The following RPTOR variants were observed in gnomAD, a reference collection of about 807,000 sequenced individuals.
RPTOR encodes regulatory-associated protein of mTOR.
In RPTOR, 21 loss-of-function variants were observed where a neutral mutation model predicts 169.9. That is an observed-to-expected ratio of 0.12 (90% CI 0.09 to 0.18). The LOEUF (loss-of-function observed/expected upper bound fraction) is 0.18. Among genes scored for constraint, RPTOR ranks in the 10% least tolerant of loss-of-function variants. The pLI, the probability that RPTOR is intolerant of heterozygous loss-of-function variation, is 1.00. For missense variants in RPTOR, 1,133 were observed against 1,855.9 expected, an observed-to-expected ratio of 0.61 and a Z score of 7.16; for synonymous variants, 732 against 753.2, an observed-to-expected ratio of 0.97 and a Z score of 0.46.
chr17:80,876,924 C>T (rs1194368692), intron 13 of RPTOR, among the ~76,000 whole-genome samples: 3 of 115,636 alleles, frequency 2.6e-5, no homozygotes, highest in Non-Finnish European at 5.2e-5. Context: ...CCTGCCGGGT[C>T]TTCCCACCGA....
At chr17:80,765,279 T>G (rs10871488) in intron 6 of RPTOR, among the ~76,000 whole-genome samples, 1 of 152,034 alleles carries the variant, frequency 6.6e-6, no homozygotes, top group East Asian at 1.9e-4. Flanking sequence ...TCAGTTCTTC[T>G]TTTCAGAGAG....
chr17:80,829,503 A>G (rs976284853), intron 9 of RPTOR, among the ~76,000 whole-genome samples: 4 of 152,192 alleles, frequency 2.6e-5, no homozygotes, highest in African/African-American at 7.2e-5. Context: ...TGCGAGCCCA[A>G]CCAGACACAT....
intron 2 of RPTOR, 69 bp from the exon 3 acceptor site, chr17:80,643,659 T>C (rs2065570501): frequency 8.6e-7 from 1 of 1,166,460 alleles, no homozygotes; most frequent in South Asian, 1.4e-5. Context: ...GGAGAAACTG[T>C]GGAAGAGAGG....
chr17:80,773,380 C>T (rs1467118672), intron 6 of RPTOR, among the ~76,000 whole-genome samples: 6 of 152,194 alleles, frequency 3.9e-5, no homozygotes, highest in Non-Finnish European at 7.3e-5. Flanking sequence ...TTAATATCCA[C>T]GTTGGTTGTT....
At chr17:80,898,901 G>A (rs1235983770) in intron 20 of RPTOR, among the ~76,000 whole-genome samples, 2 of 151,968 alleles carry the variant, frequency 1.3e-5, no homozygotes, top group African/African-American at 2.4e-5. Flanking sequence ...CCAAAGACCC[G>A]AAACAGACGC....
At chr17:80,710,727 G>T (rs1460171373) in intron 4 of RPTOR, among the ~76,000 whole-genome samples, 1 of 152,062 alleles carries the variant, frequency 6.6e-6, no homozygotes, top group Non-Finnish European at 1.5e-5. Context: ...TATGATGAAT[G>T]ATCTGTTTCA....
intron 13 of RPTOR, among the ~76,000 whole-genome samples, chr17:80,877,356 T>G (rs1241848031): frequency 6.6e-6 from 1 of 152,200 alleles, no homozygotes; most frequent in Non-Finnish European, 1.5e-5. Flanking sequence ...TGCCGAGCGC[T>G]GAAAATGAAG....
intron 19 of RPTOR, among the ~76,000 whole-genome samples, chr17:80,893,362 G>C (rs1399698569): frequency 6.8e-6 from 1 of 146,926 alleles, no homozygotes; most frequent in Non-Finnish European, 1.5e-5. Flanking sequence ...TGTGTGTGCT[G>C]GGTGTGTGTG....
rs1415438380 is a variant in RPTOR at position 80,960,660 on chromosome 17, G to C, written c.3605+455G>C. ...AGCAGCCCTGGGCACTGCCTCCACT[G>C]AGCACCCCTGTGGGCAGGTGCTGTC... On this transcript the variant is annotated intron_variant, in intron 30 of 33. Transcript: ENST00000306801. The surrounding 1 kb of genome is among the most constrained non-coding windows in gnomAD (Gnocchi z 4.8). 9.4e-6 allele frequency: 2 copies of C among 212,126 alleles called. No individual in the cohort carries two copies. Among genetic ancestry groups the C allele is most frequent in the Non-Finnish European group, 2.0e-5 (2 of 102,486 alleles). 13.1% of individuals were successfully genotyped at this position (212,126 alleles called of 1,614,324 possible). A position where few individuals can be genotyped will look rare whatever the true frequency, so the allele number is the denominator to read the frequency against.
chr17:80,665,767 G>A (rs1246974376), intron 3 of RPTOR, among the ~76,000 whole-genome samples: 1 of 151,926 alleles, frequency 6.6e-6, no homozygotes, highest in Non-Finnish European at 1.5e-5. Context: ...GGATGGTCTC[G>A]ATCTCCTGAC....
intron 13 of RPTOR, among the ~76,000 whole-genome samples, chr17:80,863,746 G>A (rs1419467282): frequency 6.6e-6 from 1 of 152,060 alleles, no homozygotes; most frequent in Admixed American, 6.6e-5. Context: ...GTGAAACCTC[G>A]ACTCCACATG....
Position 80,947,223 on chromosome 17 carries a change from T to C in RPTOR, c.3141-4T>C. 6.3e-7 allele frequency: 1 copy of C among 1,586,698 alleles called. No homozygotes were observed. Among genetic ancestry groups the C allele is most frequent in the Non-Finnish European group, 8.5e-7 (1 of 1,170,092 alleles). ...CTTTTTTATTCCTCTCTTCTTCCCTTAAGCTTTTGGGACTGGGAGAAAGGG... is the reference window on the plus strand; with the variant it reads ...CTTTTTTATTCCTCTCTTCTTCCCTCAAGCTTTTGGGACTGGGAGAAAGGG... On this transcript the variant is annotated splice_polypyrimidine_tract_variant and splice_region_variant and intron_variant, in intron 26 of 33. Coordinates refer to ENST00000306801, the MANE Select transcript of RPTOR (RefSeq NM_020761.3). The surrounding 1 kb of genome is among the most constrained non-coding windows in gnomAD (Gnocchi z 4.4).
intron 11 of RPTOR, among the ~76,000 whole-genome samples, chr17:80,847,400 G>C (rs2067744017): frequency 6.6e-6 from 1 of 152,276 alleles, no homozygotes; most frequent in Non-Finnish European, 1.5e-5. Flanking sequence ...TTTTGTTTCG[G>C]TGAATGTGTG....
intron 13 of RPTOR, among the ~76,000 whole-genome samples, chr17:80,863,385 C>T (rs539971029): frequency 1.3e-3 from 204 of 152,166 alleles, no homozygotes; most frequent in Non-Finnish European, 2.2e-3. Context: ...AAATATGACC[C>T]GTAATGAAGA....
Position 80,561,263 on chromosome 17 carries a change from G to GTGTATATATA in RPTOR, c.162+15473_162+15474insGTATATATAT, listed in dbSNP as rs1297941814. On this transcript the variant is annotated intron_variant, in intron 1 of 33. Transcript: ENST00000306801. ...TTTATATATATATGTATATATATAT[G>GTGTATATATA]TATATATATATATATATATATATAT... 8.4e-3 allele frequency among the ~76,000 whole-genome samples: 165 copies of GTGTATATATA among 19,636 alleles called. 1 individual carries two copies. The highest frequency in any genetic ancestry group is 0.014 in the African/African-American group (150 of 10,962). The allele number at this position is 19,636 out of a possible 152,430, so 12.9% of individuals were successfully genotyped here.
intron 27 of RPTOR, among the ~76,000 whole-genome samples, chr17:80,948,946 G>T (rs1273031337): frequency 6.6e-6 from 1 of 152,170 alleles, no homozygotes; most frequent in Non-Finnish European, 1.5e-5. Context: ...TTCAAGTCAA[G>T]GCTACTCTCT....
chr17:80,699,816 G>A (rs1385105143), intron 3 of RPTOR, among the ~76,000 whole-genome samples: 5 of 149,982 alleles, frequency 3.3e-5, no homozygotes, highest in African/African-American at 1.2e-4. Flanking sequence ...CTGGTGCAGT[G>A]ATGGGGAGCT....
intron 2 of RPTOR, among the ~76,000 whole-genome samples, chr17:80,632,188 A>G (rs986508355): frequency 2.0e-5 from 3 of 152,142 alleles, no homozygotes; most frequent in Non-Finnish European, 4.4e-5. Context: ...TTGACTTCTT[A>G]TTAGCCACCA....
At chr17:80,862,147 A>G (rs2143768166) in intron 13 of RPTOR, among the ~76,000 whole-genome samples, 1 of 152,222 alleles carries the variant, frequency 6.6e-6, no homozygotes, top group Non-Finnish European at 1.5e-5. Flanking sequence ...AGCTGTTCCC[A>G]CAGCCAGCTG....
Sources: allele counts gnomAD v4.1 joint callset (sites outside exome capture counted in the v4.1 genomes callset), GRCh38; gene constraint gnomAD v4.1.1; non-coding constraint Gnocchi (gnomAD v3.1); transcripts MANE v1.5; gene names NCBI Gene and HGNC (gene_info 2026-07-23, HGNC 2026-07-21).